STIM2: variants seen among roughly 807,000 people sequenced by gnomAD.
STIM2 encodes the protein stromal interaction molecule 2.
In STIM2, 31 loss-of-function variants were observed where a neutral mutation model predicts 85.8. That is an observed-to-expected ratio of 0.36 (90% confidence interval 0.27 to 0.49). STIM2 has a LOEUF of 0.49. Ranked by LOEUF, STIM2 falls within the 20% of genes least tolerant of loss-of-function variation. The pLI, the probability that STIM2 is intolerant of heterozygous loss-of-function variation, is 0.98. For synonymous variants in STIM2, 356 were observed against 331.1 expected (o/e 1.08, Z -0.82); for missense variants, 841 against 927.6 (o/e 0.91, Z 1.21).
chr4:26,954,534 A>G (rs937946247), intron 2 of STIM2, among the ~76,000 whole-genome samples: 1 of 148,734 alleles, frequency 6.7e-6, no homozygotes, highest in Admixed American at 6.6e-5. Context: ...AAATGAATAC[A>G]AAGAAGAAGT....
chr4:26,980,290 C>A (rs1039499270), intron 3 of STIM2, among the ~76,000 whole-genome samples: 1 of 151,998 alleles, frequency 6.6e-6, no homozygotes, highest in Non-Finnish European at 1.5e-5. Context: ...TCATTACTTC[C>A]TAGATAATAA....
At chr4:26,956,537 G>C (rs1277500408) in intron 2 of STIM2, among the ~76,000 whole-genome samples, 1 of 151,336 alleles carries the variant, frequency 6.6e-6, no homozygotes, top group Admixed American at 6.6e-5. Context: ...TCAAACTCCT[G>C]GGCTCAAGCA....
intron 2 of STIM2, among the ~76,000 whole-genome samples, chr4:26,948,111 A>T (rs1320518981): frequency 6.6e-6 from 1 of 152,142 alleles, no homozygotes; most frequent in Non-Finnish European, 1.5e-5. Context: ...TTGTGCTCGA[A>T]CACCTGTCAT....
In STIM2 at chr4:26,891,555, A is replaced by G. The variant is rs559418108; in HGVS notation, c.152-27949A>G. On this transcript the variant is annotated intron_variant, in intron 1 of 11. Coordinates refer to ENST00000467087, the MANE Select transcript of STIM2 (RefSeq NM_020860.4). The stretch of plus-strand genomic sequence containing the variant: ...TACATATAAAGATATGTGTATACAT[A>G]CATACACACACACACACACACACAC... Among the ~76,000 whole-genome samples the G allele has an allele frequency of 7.1e-3, 726 of 102,504 alleles. 9 individuals are homozygous for G. Among genetic ancestry groups the G allele is most frequent in the African/African-American group, 0.031 (704 of 22,852 alleles). 67.2% of individuals were successfully genotyped at this position (102,504 alleles called of 152,430 possible). A position where few individuals can be genotyped will look rare whatever the true frequency, so the allele number is the denominator to read the frequency against.
At chr4:26,932,991 A>C (rs752271874) in intron 2 of STIM2, among the ~76,000 whole-genome samples, 2 of 152,208 alleles carry the variant, frequency 1.3e-5, no homozygotes, top group East Asian at 3.8e-4. Flanking sequence ...GAGAAAAGAC[A>C]TGAGAAAGCA....
chr4:26,928,625 C>T (rs11725210), intron 2 of STIM2, among the ~76,000 whole-genome samples: 4,278 of 152,182 alleles, frequency 0.028, 78 homozygotes, highest in Middle Eastern at 0.037. Context: ...ATTCCTGCCT[C>T]GGCCTCCCAA....
At chr4:26,927,829 AATT>A (rs914959921) in intron 2 of STIM2, among the ~76,000 whole-genome samples, 3 of 146,122 alleles carry the variant, frequency 2.1e-5, no homozygotes, top group East Asian at 1.9e-4. Flanking sequence ...AAAAATATGT[AATT>A]ATATAAATTA....
intron 1 of STIM2, among the ~76,000 whole-genome samples, chr4:26,908,901 T>G (rs1056167216): frequency 6.6e-6 from 1 of 152,208 alleles, no homozygotes; most frequent in African/African-American, 2.4e-5. Context: ...AAAGTCTAAT[T>G]TTCATTCTAA....
At chr4:26,957,289 G>A (rs533643792) in intron 2 of STIM2, among the ~76,000 whole-genome samples, 5 of 152,178 alleles carry the variant, frequency 3.3e-5, no homozygotes, top group Admixed American at 3.3e-4. Context: ...TCAATCCCAC[G>A]AATACTGAAC....
intron 4 of STIM2, among the ~76,000 whole-genome samples, chr4:26,996,363 C>T (rs1468328695): frequency 1.3e-5 from 2 of 151,860 alleles, no homozygotes; most frequent in African/African-American, 4.8e-5. Context: ...TTATTTTTCC[C>T]TGGATGATTT....
rs1352750063 is a variant in STIM2, at chr4:26,861,261, T to C, written c.43T>C (p.Cys15Arg). The C allele has an allele frequency of 2.2e-5, 32 of 1,476,440 alleles. No homozygotes were observed. In the East Asian group the frequency reaches 9.2e-4, roughly 42 times the overall value. The allele number at this position is 1,476,440 out of a possible 1,614,324, so 91.5% of individuals were successfully genotyped here. A position where few individuals can be genotyped will look rare whatever the true frequency, so the allele number is the denominator to read the frequency against. ...GCTGGTAGCCGGAGCGGCGGACGGA[T>C]GCGAGCTTGTGCCCCGGCACCTCCG... The change falls in exon 1 of 12, where the codon TGC (cysteine) becomes CGC (arginine). Residue 15 changes from cysteine to arginine, a missense_variant. Physicochemically the swap from Cys to Arg is radical, Grantham distance 180. Coordinates refer to ENST00000467087, the MANE Select transcript of STIM2 (RefSeq NM_020860.4).
intron 2 of STIM2, among the ~76,000 whole-genome samples, chr4:26,922,981 A>C (rs1215982423): frequency 6.6e-6 from 1 of 152,066 alleles, no homozygotes; most frequent in Non-Finnish European, 1.5e-5. Context: ...TCCCTGTCTG[A>C]CAGCTTTGAA....
chr4:26,997,647 C>G (rs1728006763), intron 4 of STIM2, among the ~76,000 whole-genome samples: 3 of 152,174 alleles, frequency 2.0e-5, no homozygotes, highest in Admixed American at 2.0e-4. Flanking sequence ...GCATCCATAC[C>G]TACATACATT....
chr4:26,947,736 G>A (rs1395915233), intron 2 of STIM2, among the ~76,000 whole-genome samples: 1 of 152,138 alleles, frequency 6.6e-6, no homozygotes, highest in Non-Finnish European at 1.5e-5. Flanking sequence ...CTTTGGCACT[G>A]CCCCACGGAA....
chr4:26,917,495 G>C (rs1318179608), intron 1 of STIM2, among the ~76,000 whole-genome samples: 3 of 152,160 alleles, frequency 2.0e-5, no homozygotes, highest in Non-Finnish European at 4.4e-5. Context: ...ACTTCATGGA[G>C]AAGTATTAAC....
intron 3 of STIM2, among the ~76,000 whole-genome samples, chr4:26,967,309 T>A (rs1299617406): frequency 6.6e-6 from 1 of 152,192 alleles, no homozygotes; most frequent in Non-Finnish European, 1.5e-5. Flanking sequence ...TGAAGTCATA[T>A]AAATTCAGAG....
rs894792829 is a variant in STIM2, at chr4:26,891,664, G to A, written c.152-27840G>A. ...ACTGATACACTCAGTAAATGGGCTA[G>A]AGTAGCACACCCAAATAAGGAATAT... On this transcript the variant is annotated intron_variant, in intron 1 of 11. Transcript: ENST00000467087. 1.3e-5 allele frequency among the ~76,000 whole-genome samples: 2 copies of A among 152,090 alleles called. 1 individual carries two copies. The highest frequency in any genetic ancestry group is 4.2e-4 in the South Asian group (2 of 4,810).
At chr4:26,999,197 A>G (rs745971511) in intron 4 of STIM2, 35 bp from the exon 5 acceptor site, 3 of 919,872 alleles carry the variant, frequency 3.3e-6, no homozygotes, top group African/African-American at 1.8e-5. Flanking sequence ...CATTTAATAT[A>G]TATATATATG....
Position 26,919,602 on chromosome 4 carries a change from G to A in STIM2, c.250G>A (p.Asp84Asn). 6.2e-7 allele frequency: 1 copy of A among 1,613,646 alleles called. No homozygotes were observed. The highest frequency in any genetic ancestry group is 8.5e-7 in the Non-Finnish European group (1 of 1,179,720). ...ACATAAACAAATGGATGATGACAAA[G>A]ATGGTGGAATTGAAGTAGAGGAAAG... The change falls in exon 2 of 12, where the codon GAT (aspartate) becomes AAT (asparagine). Residue 84 changes from aspartate (D) to asparagine (N), a missense_variant. Coordinates refer to ENST00000467087, the MANE Select transcript of STIM2 (RefSeq NM_020860.4).
Sources: gnomAD v4.1 joint callset for allele counts (sites outside exome capture counted in the v4.1 genomes callset) on GRCh38, gnomAD v4.1.1 for gene constraint, MANE v1.5 for transcripts, NCBI Gene and HGNC (gene_info 2026-07-23, HGNC 2026-07-21) for gene names.